GSKIP: variants seen among roughly 807,000 people sequenced by gnomAD.
The protein encoded by GSKIP is GSK3B interacting protein, also known as GSK3B-interacting protein.
GSKIP carries 5 observed loss-of-function variants against 11.9 expected under a neutral mutation model. That is an observed-to-expected ratio of 0.42 (90% CI 0.22 to 0.89). The LOEUF is 0.89. Among genes scored for constraint, GSKIP ranks in the 40% least tolerant of loss-of-function variants. The pLI is 0.29. For synonymous variants in GSKIP, 70 were observed against 62.9 expected, an observed-to-expected ratio of 1.11 and a Z score of -0.54; for missense variants, 150 against 166.6, an observed-to-expected ratio of 0.90 and a Z score of 0.55.
intron 1 of GSKIP, among the ~76,000 whole-genome samples, chr14:96,378,347 A>G (rs919992227): frequency 6.6e-6 from 1 of 151,876 alleles, no homozygotes; most frequent in Non-Finnish European, 1.5e-5. Flanking sequence ...TAACTCTCCA[A>G]AAAAAAAGGA....
intron 2 of GSKIP, 63 bp from the exon 3 acceptor site, chr14:96,382,184 A>G: frequency 8.6e-7 from 1 of 1,157,360 alleles, no homozygotes; most frequent in Non-Finnish European, 1.2e-6. Context: ...TTTTAATCAA[A>G]TGTAGTAGTT....
At chr14:96,367,200 C>T (rs1308146904) in intron 1 of GSKIP, among the ~76,000 whole-genome samples, 1 of 152,222 alleles carries the variant, frequency 6.6e-6, no homozygotes, top group Non-Finnish European at 1.5e-5. Context: ...TTAGTTCTCT[C>T]AATATCACTT....
chr14:96,387,046 C>G lies in GSKIP; in HGVS notation c.*1362C>G, dbSNP rs965058879. On this transcript the variant is annotated 3_prime_UTR_variant, in exon 4 of 4. Transcript: ENST00000555181. ...GTTTGTGTCACAATTCATTGCCAGA[C>G]TTCATTGGAATGCTTTGTTTGATGA... 3.3e-5 allele frequency: 5 copies of G among 152,212 alleles called. No homozygotes were observed. The highest frequency in any genetic ancestry group is 7.3e-5 in the Non-Finnish European group (5 of 68,050). 9.4% of individuals were successfully genotyped at this position (152,212 alleles called of 1,614,324 possible). A position where few individuals can be genotyped will look rare whatever the true frequency, so the allele number is the denominator to read the frequency against.
intron 3 of GSKIP, 97 bp from the exon 4 acceptor site, chr14:96,385,426 A>AT: frequency 2.2e-6 from 2 of 923,442 alleles, no homozygotes; most frequent in Non-Finnish European, 3.3e-6. Context: ...GAAATAATTT[A>AT]TTTTTTTGAA....
At chr14:96,367,489 G>A (rs878945906) in intron 1 of GSKIP, among the ~76,000 whole-genome samples, 1 of 152,188 alleles carries the variant, frequency 6.6e-6, no homozygotes, top group Admixed American at 6.5e-5. Context: ...TCAACTGAAA[G>A]GTCAGACTTT....
At chr14:96,384,688 T>G (rs1198319965) in intron 3 of GSKIP, 1 of 152,098 alleles carries the variant, frequency 6.6e-6, no homozygotes, top group Non-Finnish European at 1.5e-5. Context: ...TAATATCTGT[T>G]ATGTCCTCTA....
intron 1 of GSKIP, among the ~76,000 whole-genome samples, chr14:96,373,610 AAAG>A (rs1283354529): frequency 1.3e-5 from 2 of 152,154 alleles, no homozygotes; most frequent in East Asian, 3.8e-4. Flanking sequence ...TAAAAAAAAA[AAAG>A]AATTACAGGA....
intron 1 of GSKIP, 180 bp downstream of exon 1, chr14:96,363,748 C>G (rs1006742290): frequency 6.6e-6 from 1 of 152,302 alleles, no homozygotes; most frequent in Non-Finnish European, 1.5e-5. Flanking sequence ...GTCTGGGGGC[C>G]GGTCTGGCCG....
intron 1 of GSKIP, among the ~76,000 whole-genome samples, chr14:96,366,658 C>T (rs1175931180): frequency 6.6e-6 from 1 of 152,200 alleles, no homozygotes; most frequent in Non-Finnish European, 1.5e-5. Context: ...TTTGGAAGGC[C>T]AAGGCCGGAA....
chr14:96,374,994 T>C (rs1305225390), intron 1 of GSKIP, among the ~76,000 whole-genome samples: 1 of 152,180 alleles, frequency 6.6e-6, no homozygotes, highest in Non-Finnish European at 1.5e-5. Context: ...AACATTATGA[T>C]GAAGTTTATA....
At chr14:96,374,029 G>T (rs1246399556) in intron 1 of GSKIP, among the ~76,000 whole-genome samples, 1 of 152,162 alleles carries the variant, frequency 6.6e-6, no homozygotes, top group Non-Finnish European at 1.5e-5. Context: ...TGTCCGTTGA[G>T]AGTAACCCAG....
chr14:96,382,207 T>A (rs371988437), intron 2 of GSKIP, 40 bp from the exon 3 acceptor site: 3 of 1,467,482 alleles, frequency 2.0e-6, no homozygotes, highest in Non-Finnish European at 9.1e-7. Flanking sequence ...AATGTCTTTC[T>A]ATAAACAAAT....
intron 3 of GSKIP, chr14:96,384,781 G>A (rs1257463209): frequency 6.6e-6 from 1 of 151,428 alleles, no homozygotes; most frequent in African/African-American, 2.4e-5. Flanking sequence ...CATCGACCTG[G>A]TATTGCAAAT....
Position 96,382,317 on chromosome 14 carries a change from G to C in GSKIP, c.70G>C (p.Gly24Arg). ...ATTTGAAGAAGGTTCAGAGCTGAAC[G>C]GTTTTGAAGGAACTGACATGAAAGA... Reference protein sequence around the residue: ...SGFEEGSELNGFEGTDMKDMR... With the variant: ...SGFEEGSELNRFEGTDMKDMR... Residue 24 changes from glycine (G) to arginine (R), a missense_variant, in exon 3 of 4, where the codon GGT (glycine) becomes CGT (arginine). Coordinates refer to ENST00000555181, the MANE Select transcript of GSKIP (RefSeq NM_016472.5). The C allele has an allele frequency of 3.7e-6, 6 of 1,613,124 alleles. No homozygotes were observed. The highest frequency in any genetic ancestry group is 5.1e-6 in the Non-Finnish European group (6 of 1,179,318).
intron 1 of GSKIP, among the ~76,000 whole-genome samples, chr14:96,371,701 C>T (rs1246632726): frequency 1.3e-5 from 2 of 152,200 alleles, no homozygotes; most frequent in Admixed American, 1.3e-4. Flanking sequence ...CCTGCCTCAG[C>T]CTCCCAAAGT....
intron 1 of GSKIP, among the ~76,000 whole-genome samples, chr14:96,370,708 C>G (rs375182709): frequency 6.6e-6 from 1 of 152,214 alleles, no homozygotes; most frequent in African/African-American, 2.4e-5. Context: ...TCTTCACACA[C>G]TGGCTCCCCT....
At position 96,372,290 on chromosome 14, in the gene GSKIP, A is replaced by T. The variant is rs889514565; in HGVS notation, c.-102-7398A>T. On this transcript the variant is annotated intron_variant, in intron 1 of 3. Transcript: ENST00000555181. ...ATTCAATGAAGTCCTGCTTTATGCC[A>T]GACACTGTGCTGGTGATGTGTATAT... Among the ~76,000 whole-genome samples, 3 of 152,338 alleles carry T rather than the reference A, an allele frequency of 2.0e-5. No homozygotes were observed. In the South Asian group the frequency reaches 6.2e-4, roughly 32 times the overall value.
intron 2 of GSKIP, 83 bp downstream of exon 2, chr14:96,379,871 T>C (rs967111743): frequency 2.6e-5 from 4 of 152,190 alleles, no homozygotes; most frequent in Admixed American, 1.3e-4. Context: ...TCTTTTTATG[T>C]AATGATCATT....
chr14:96,372,447 A>T (rs1889072986), intron 1 of GSKIP, among the ~76,000 whole-genome samples: 1 of 152,254 alleles, frequency 6.6e-6, no homozygotes, highest in Non-Finnish European at 1.5e-5. Flanking sequence ...TTGAGAGCAG[A>T]TACACAATCC....
Sources: allele counts gnomAD v4.1 joint callset (sites outside exome capture counted in the v4.1 genomes callset), GRCh38; gene constraint gnomAD v4.1.1; transcripts MANE v1.5; gene names NCBI Gene and HGNC (gene_info 2026-07-23, HGNC 2026-07-21).